The following NUBP1 variants were observed in gnomAD, a reference collection of about 807,000 sequenced individuals.
NUBP1 encodes the protein cytosolic Fe-S cluster assembly factor NUBP1.
In NUBP1, 46 loss-of-function variants were observed where a neutral mutation model predicts 41.8. That is an observed-to-expected ratio of 1.10 (90% confidence interval 0.87 to 1.41). The LOEUF (loss-of-function observed/expected upper bound fraction) is 1.41. NUBP1 is among the 40% of genes most tolerant of loss of function. The probability of loss-of-function intolerance (pLI) is 0.00; values close to 1 mark genes in which losing one functional copy is unlikely to be tolerated. For synonymous variants in NUBP1, 189 were observed against 154.6 expected, an observed-to-expected ratio of 1.22 and a Z score of -1.65; for missense variants, 494 against 414.0, an observed-to-expected ratio of 1.19 and a Z score of -1.68.
rs944814353 is a variant in NUBP1 at position 10,767,568 on chromosome 16, G to A, written c.821-381G>A. 4.4e-6 allele frequency: 2 copies of A among 450,324 alleles called. No homozygotes were observed. The highest frequency in any genetic ancestry group is 4.0e-5 in the African/African-American group (2 of 49,846). 27.9% of individuals were successfully genotyped at this position (450,324 alleles called of 1,614,324 possible). A position where few individuals can be genotyped will look rare whatever the true frequency, so the allele number is the denominator to read the frequency against. ...AACACTAGTAGCCCTTTTCGGACTTGGCCTTTTATGCCATATCCTTTTGCA... is the reference window on the plus strand; with the variant it reads ...AACACTAGTAGCCCTTTTCGGACTTAGCCTTTTATGCCATATCCTTTTGCA... On this transcript the variant is annotated intron_variant, in intron 9 of 10. Transcript: ENST00000283027. The surrounding 1 kb of genome is among the most constrained non-coding windows in gnomAD (Gnocchi z 4.6).
At chr16:10,762,374 G>C (rs1465805827) in intron 9 of NUBP1, among the ~76,000 whole-genome samples, 1 of 152,190 alleles carries the variant, frequency 6.6e-6, no homozygotes, top group Admixed American at 6.5e-5. Flanking sequence ...TTAAGTACGT[G>C]GGTCTCCCAG....
chr16:10,750,883 G>A (rs1279752717), intron 3 of NUBP1, among the ~76,000 whole-genome samples: 1 of 152,206 alleles, frequency 6.6e-6, no homozygotes. Flanking sequence ...AGCAAACGCG[G>A]CCTCTTCCCA....
At chr16:10,762,812 T>G (rs1340710487) in intron 9 of NUBP1, among the ~76,000 whole-genome samples, 2 of 140,598 alleles carry the variant, frequency 1.4e-5, no homozygotes, top group Non-Finnish European at 1.6e-5. Context: ...GGGGGCCGCG[T>G]GCTTGGGGAG....
intron 9 of NUBP1, among the ~76,000 whole-genome samples, chr16:10,762,607 G>C (rs2030122810): frequency 6.6e-6 from 1 of 152,226 alleles, no homozygotes; most frequent in Admixed American, 6.5e-5. Context: ...GGGGCGTCCA[G>C]CACTCGCCTT....
At chr16:10,752,976 G>A (rs1354548145) in intron 4 of NUBP1, among the ~76,000 whole-genome samples, 1 of 152,074 alleles carries the variant, frequency 6.6e-6, no homozygotes, top group Admixed American at 6.5e-5. Flanking sequence ...TGTATTTTTG[G>A]TAGAGACCAG....
chr16:10,755,160 G>C (rs886674874), intron 4 of NUBP1, among the ~76,000 whole-genome samples: 6 of 152,234 alleles, frequency 3.9e-5, no homozygotes, highest in Non-Finnish European at 7.3e-5. Flanking sequence ...CAGTAAATCT[G>C]TTGAGAAAAG....
intron 4 of NUBP1, among the ~76,000 whole-genome samples, chr16:10,753,343 A>T (rs552250372): frequency 6.6e-6 from 1 of 152,268 alleles, no homozygotes; most frequent in Non-Finnish European, 1.5e-5. Context: ...ATGGGTCTGT[A>T]CCCTGGAAGC....
chr16:10,751,860 G>T (rs1900335057), intron 3 of NUBP1, among the ~76,000 whole-genome samples: 1 of 152,240 alleles, frequency 6.6e-6, no homozygotes, highest in African/African-American at 2.4e-5. Flanking sequence ...TCCACAGCAG[G>T]CCCGTGGTGT....
At chr16:10,753,228 A>G (rs2142699168) in intron 4 of NUBP1, among the ~76,000 whole-genome samples, 1 of 152,316 alleles carries the variant, frequency 6.6e-6, no homozygotes, top group South Asian at 2.1e-4. Flanking sequence ...TTGGAGAAGC[A>G]TTGGTTTCGA....
rs753776381 is a variant in NUBP1 at position 10,756,825 on chromosome 16, C to T, written c.451+45C>T. 1.8e-5 allele frequency: 27 copies of T among 1,501,094 alleles called. No individual in the cohort carries two copies. In the South Asian group the frequency reaches 2.7e-4, roughly 15 times the overall value. The allele number at this position is 1,501,094 out of a possible 1,614,324, so 93.0% of individuals were successfully genotyped here. On this transcript the variant is annotated intron_variant, in intron 6 of 10. Coordinates refer to ENST00000283027, the MANE Select transcript of NUBP1 (RefSeq NM_002484.4). ...TTTGTCTCTCACATTCTTCCACGAG[C>T]GTTGTGGCTCTTGGCTTTATCTGCT...
Position 10,761,870 on chromosome 16 carries a change from C to G in NUBP1, c.820+11C>G. The G allele has an allele frequency of 6.2e-7, 1 of 1,606,112 alleles. No individual in the cohort carries two copies. The highest frequency in any genetic ancestry group is 8.5e-7 in the Non-Finnish European group (1 of 1,173,248). On this transcript the variant is annotated intron_variant, in intron 9 of 10. Coordinates refer to ENST00000283027, the MANE Select transcript of NUBP1 (RefSeq NM_002484.4). ...TGGATCCGCTCATAGGTGGGTGACCCCAGTGTGGGGCGGCACCTCACTCCT... is the reference window on the plus strand; with the variant it reads ...TGGATCCGCTCATAGGTGGGTGACCGCAGTGTGGGGCGGCACCTCACTCCT...
intron 3 of NUBP1, among the ~76,000 whole-genome samples, chr16:10,751,120 G>A (rs1900293451): frequency 6.6e-6 from 1 of 152,140 alleles, no homozygotes; most frequent in African/African-American, 2.4e-5. Flanking sequence ...GAGAGAGTGC[G>A]CTGGATCTGC....
chr16:10,746,893 G>A (rs1428491269), intron 2 of NUBP1, among the ~76,000 whole-genome samples: 1 of 152,222 alleles, frequency 6.6e-6, no homozygotes, highest in Non-Finnish European at 1.5e-5. Flanking sequence ...TACCTTTGTG[G>A]AGACTATGTT....
chr16:10,752,544 T>C (rs555223768), intron 3 of NUBP1, 66 bp from the exon 4 acceptor site: 21 of 1,303,776 alleles, frequency 1.6e-5, no homozygotes, highest in Non-Finnish European at 2.2e-5. Context: ...GCTCCCCTCC[T>C]AGTTGTGTGT....
chr16:10,746,874 G>A (rs538318809), intron 2 of NUBP1, among the ~76,000 whole-genome samples: 41 of 152,374 alleles, frequency 2.7e-4, no homozygotes, highest in African/African-American at 9.4e-4. Flanking sequence ...GAAAGCTTCA[G>A]ACAGTTCCTA....
chr16:10,751,561 G>A (rs1160258483), intron 3 of NUBP1, among the ~76,000 whole-genome samples: 5 of 152,130 alleles, frequency 3.3e-5, no homozygotes, highest in Admixed American at 2.0e-4. Flanking sequence ...AAAGTGACGC[G>A]GAGGTGCAGC....
chr16:10,750,501 C>G (rs555577071), intron 3 of NUBP1, among the ~76,000 whole-genome samples: 1 of 152,272 alleles, frequency 6.6e-6, no homozygotes, highest in Admixed American at 6.5e-5. Context: ...CTCAACCTCC[C>G]AAAGTTCTGA....
At chr16:10,753,254 G>A (rs1018694518) in intron 4 of NUBP1, among the ~76,000 whole-genome samples, 4 of 152,210 alleles carry the variant, frequency 2.6e-5, no homozygotes, top group Non-Finnish European at 4.4e-5. Flanking sequence ...CCTCAGAGGG[G>A]AAGGGAAACA....
rs952956159 is a variant in NUBP1, at chr16:10,757,506, C to T, written c.452-367C>T. Among the ~76,000 whole-genome samples, 1 of 152,088 alleles carries T rather than the reference C, an allele frequency of 6.6e-6. No individual in the cohort carries two copies. Among genetic ancestry groups the T allele is most frequent in the East Asian group, 1.9e-4 (1 of 5,182 alleles). ...GGGGAGGAGTAGACCGTGTTCTACACCATAGGGTGTTAAACAGTGTCCCTG... is the reference window on the plus strand; with the variant it reads ...GGGGAGGAGTAGACCGTGTTCTACATCATAGGGTGTTAAACAGTGTCCCTG... On this transcript the variant is annotated intron_variant, in intron 6 of 10. Coordinates refer to ENST00000283027, the MANE Select transcript of NUBP1 (RefSeq NM_002484.4). The surrounding 1 kb of genome is among the most constrained non-coding windows in gnomAD (Gnocchi z 4.1).
Sources: allele counts gnomAD v4.1 joint callset (sites outside exome capture counted in the v4.1 genomes callset), GRCh38; gene constraint gnomAD v4.1.1; non-coding constraint Gnocchi (gnomAD v3.1); transcripts MANE v1.5; gene names NCBI Gene and HGNC (gene_info 2026-07-23, HGNC 2026-07-21).